Variants in GPR139 observed in about 807,000 individuals in gnomAD.
The protein encoded by GPR139 is G protein-coupled receptor 139.
A neutral mutation model predicts 25.8 loss-of-function variants in GPR139; 12 were observed. That is an observed-to-expected ratio of 0.47 (90% CI 0.30 to 0.75). The LOEUF (loss-of-function observed/expected upper bound fraction) is 0.75. Ranked by LOEUF, GPR139 falls within the 30% of genes least tolerant of loss-of-function variation. GPR139 has a pLI of 0.07. For synonymous variants in GPR139, 184 were observed against 179.9 expected, an observed-to-expected ratio of 1.02 and a Z score of -0.18; for missense variants, 380 against 450.2, an observed-to-expected ratio of 0.84 and a Z score of 1.41.
chr16:20,041,426 T>G (rs976001715), intron 1 of GPR139, among the ~76,000 whole-genome samples: 8 of 151,564 alleles, frequency 5.3e-5, no homozygotes, highest in African/African-American at 1.7e-4. Flanking sequence ...TTTCTAAGAC[T>G]CCTACATAAG....
chr16:20,034,658 G>A (rs1031724935), intron 1 of GPR139, among the ~76,000 whole-genome samples: 2 of 152,146 alleles, frequency 1.3e-5, no homozygotes, highest in African/African-American at 4.8e-5. Flanking sequence ...TTGCACCTTA[G>A]CCTCCTAAGT....
chr16:20,070,171 A>C (rs760269310), intron 1 of GPR139, among the ~76,000 whole-genome samples: 13 of 152,196 alleles, frequency 8.5e-5, no homozygotes, highest in Non-Finnish European at 1.6e-4. Flanking sequence ...AGTAGATAAG[A>C]TGCTTCGTTT....
intron 1 of GPR139, among the ~76,000 whole-genome samples, chr16:20,052,260 C>A (rs1394289276): frequency 6.6e-6 from 1 of 152,234 alleles, no homozygotes. Context: ...TGCCTCCAGC[C>A]TTTGCCTGTA....
chr16:20,062,504 G>C (rs1375295626), intron 1 of GPR139, among the ~76,000 whole-genome samples: 2 of 152,206 alleles, frequency 1.3e-5, no homozygotes, highest in African/African-American at 4.8e-5. Flanking sequence ...TCAGAACTGT[G>C]AGATGTAAAT....
intron 1 of GPR139, among the ~76,000 whole-genome samples, chr16:20,041,237 AGAGGAGAGGAGAGGGAAGG>A (rs1567236047): frequency 1.8e-4 from 1 of 5,512 alleles, no homozygotes; most frequent in African/African-American, 6.9e-4. Context: ...AGAGGAGAGG[AGAGGAGAGGAGAGGGAAGG>A]AGAAAAGAAA....
At chr16:20,065,989 TG>T (rs1352523539) in intron 1 of GPR139, among the ~76,000 whole-genome samples, 1 of 152,210 alleles carries the variant, frequency 6.6e-6, no homozygotes, top group Non-Finnish European at 1.5e-5. Flanking sequence ...AGAAATAGTT[TG>T]TTTTTTTGTT....
chr16:20,066,905 C>T (rs1193100571), intron 1 of GPR139, among the ~76,000 whole-genome samples: 1 of 152,140 alleles, frequency 6.6e-6, no homozygotes, highest in Non-Finnish European at 1.5e-5. Context: ...GAAATTTGCC[C>T]ATGGTCACAG....
chr16:20,041,469 G>A (rs1007736613), intron 1 of GPR139, among the ~76,000 whole-genome samples: 7 of 151,800 alleles, frequency 4.6e-5, no homozygotes, highest in Admixed American at 2.6e-4. Flanking sequence ...GATCAGCTGA[G>A]GGGTAGAGAC....
intron 1 of GPR139, among the ~76,000 whole-genome samples, chr16:20,051,719 C>A (rs1027176643): frequency 6.6e-6 from 1 of 152,184 alleles, no homozygotes; most frequent in Non-Finnish European, 1.5e-5. Flanking sequence ...GGAGGAGGCA[C>A]AGAGAAAGCG....
intron 1 of GPR139, among the ~76,000 whole-genome samples, chr16:20,066,119 A>G (rs554149742): frequency 1.9e-4 from 29 of 152,342 alleles, no homozygotes; most frequent in African/African-American, 6.7e-4. Context: ...CTTAAAAACT[A>G]GACTACTTTG....
chr16:20,058,009 C>A (rs2057396656), intron 1 of GPR139, among the ~76,000 whole-genome samples: 1 of 152,146 alleles, frequency 6.6e-6, no homozygotes, highest in Admixed American at 6.5e-5. Context: ...GAAACCTGGT[C>A]CTTGATAATG....
chr16:20,070,380 C>A (rs1457021518), intron 1 of GPR139, among the ~76,000 whole-genome samples: 2 of 152,144 alleles, frequency 1.3e-5, no homozygotes, highest in African/African-American at 4.8e-5. Context: ...TCATATATAC[C>A]ACCTGTGTGG....
rs898031007 is a variant in GPR139, at chr16:20,028,851, ACGATAAGG to A, written c.*2876_*2883del. On this transcript the variant is annotated 3_prime_UTR_variant, in exon 2 of 2. Transcript: ENST00000570682. ...TTTGAAAGAGGCACCACAAAAACCC[ACGATAAGG>A]CAATTGCTTTAGTGCCACCAGCAGC... 5.9e-5 allele frequency among the ~76,000 whole-genome samples: 9 copies of A among 152,148 alleles called. No homozygotes were observed. The highest frequency in any genetic ancestry group is 3.8e-4 in the East Asian group (2 of 5,202).
rs140682462 is a variant in GPR139, at chr16:20,073,174, GC to G, written c.127+315del. 0.011 allele frequency among the ~76,000 whole-genome samples: 1,615 copies of G among 149,038 alleles called. 62 individuals are homozygous for G. The highest frequency in any genetic ancestry group is 0.1 in the East Asian group (517 of 4,982). On this transcript the variant is annotated intron_variant, in intron 1 of 1. Transcript: ENST00000570682. This position sits in a 1 kb window ranked among gnomAD's most constrained non-coding sequence, Gnocchi z 4.7. ...TCTACGCCCCCACCCCATGAAAGCC[GC>G]CCCCTCCAGATGCGCGCACAAATGC...
chr16:20,050,877 C>T (rs1172792810), intron 1 of GPR139, among the ~76,000 whole-genome samples: 1 of 151,984 alleles, frequency 6.6e-6, no homozygotes, highest in Non-Finnish European at 1.5e-5. Context: ...GCCTGGGCAA[C>T]ACGGGGAGAC....
intron 1 of GPR139, among the ~76,000 whole-genome samples, chr16:20,051,701 G>A (rs963829092): frequency 6.6e-6 from 1 of 152,188 alleles, no homozygotes; most frequent in Non-Finnish European, 1.5e-5. Flanking sequence ...ACCCACCTCT[G>A]CACCCTGGGA....
chr16:20,039,024 C>T (rs926375620), intron 1 of GPR139, among the ~76,000 whole-genome samples: 4 of 152,176 alleles, frequency 2.6e-5, no homozygotes, highest in South Asian at 2.1e-4. Flanking sequence ...AAGCAAGCCC[C>T]GCCGAACTTC....
At chr16:20,052,788 C>CAAAAAAAAA (rs56189908) in intron 1 of GPR139, among the ~76,000 whole-genome samples, 24 of 121,976 alleles carry the variant, frequency 2.0e-4, no homozygotes, top group African/African-American at 6.7e-4. Flanking sequence ...GACTCCATCT[C>CAAAAAAAAA]AAAAAAAAAA....
chr16:20,067,050 T>A (rs999887853), intron 1 of GPR139, among the ~76,000 whole-genome samples: 1 of 152,214 alleles, frequency 6.6e-6, no homozygotes, highest in Admixed American at 6.5e-5. Flanking sequence ...GTGTTATACC[T>A]GCGATCACAC....
Sources: gnomAD v4.1 joint callset for allele counts (sites outside exome capture counted in the v4.1 genomes callset) on GRCh38, gnomAD v4.1.1 for gene constraint, Gnocchi (gnomAD v3.1) non-coding constraint, MANE v1.5 for transcripts, NCBI Gene and HGNC (gene_info 2026-07-23, HGNC 2026-07-21) for gene names.